Variants in TRIM37 observed in about 807,000 individuals in gnomAD.
TRIM37 encodes tripartite motif containing 37.
Under a neutral mutation model 129.8 loss-of-function variants are expected in TRIM37, and 80 were observed. The observed-to-expected ratio is 0.62, with a 90% CI of 0.51 to 0.74. The LOEUF (loss-of-function observed/expected upper bound fraction) is 0.74. TRIM37 is among the 30% of genes least tolerant of loss of function. The pLI is 0.00. For missense variants in TRIM37, 1,054 were observed against 1,176.5 expected (o/e 0.90, Z 1.52); for synonymous variants, 389 against 387.1 (o/e 1.00, Z -0.06).
intron 20 of TRIM37, among the ~76,000 whole-genome samples, chr17:59,016,016 G>GA (rs1040946581): frequency 2.6e-5 from 4 of 151,726 alleles, no homozygotes; most frequent in Non-Finnish European, 5.9e-5. Flanking sequence ...GGGATAATCA[G>GA]AAAAAAGGCA....
At chr17:59,083,156 C>T (rs898517560) in intron 5 of TRIM37, among the ~76,000 whole-genome samples, 1 of 152,162 alleles carries the variant, frequency 6.6e-6, no homozygotes, top group African/African-American at 2.4e-5. Flanking sequence ...TATTCAGAGG[C>T]TGGGCGCGGT....
chr17:59,028,743 T>A lies in TRIM37; in HGVS notation c.1949-20A>T, dbSNP rs1690590523. 6.2e-7 allele frequency: 1 copy of A among 1,613,168 alleles called. No homozygotes were observed. The highest frequency in any genetic ancestry group is 1.1e-5 in the South Asian group (1 of 91,068). ...ATGATGCTTCAGAGAAATTGACAAG[T>A]CATGTTAACATAAACGTTAATATTA... On this transcript the variant is annotated intron_variant, in intron 18 of 23. Coordinates refer to ENST00000262294, the MANE Select transcript of TRIM37 (RefSeq NM_015294.6).
chr17:59,012,344 T>C lies in TRIM37; in HGVS notation c.2679A>G (p.Ser893=), dbSNP rs1471107105. The change falls in exon 22 of 24, where the codon TCA becomes TCG. Residue 893 remains serine, a synonymous_variant. Transcript: ENST00000262294. The stretch of plus-strand genomic sequence containing the variant: ...ATTCCTTACCTTCTTCAGGGGCAGC[T>C]GAAGCTCCTTCAGGTAGTACAGGCT... ...ELQPVLPEGA[S]AAPEEGMSSD... The C allele has an allele frequency of 9.9e-6, 16 of 1,609,892 alleles. No homozygotes were observed. Among genetic ancestry groups the C allele is most frequent in the Admixed American group, 1.7e-5 (1 of 59,912 alleles).
chr17:58,975,768 GC>G, the TRIM37 span, among the ~76,000 whole-genome samples: 2 of 152,290 alleles, frequency 1.3e-5, no homozygotes, highest in African/African-American at 4.8e-5. Flanking sequence ...ACGCAGAGGG[GC>G]CACAGGGTCA....
chr17:59,103,846 C>T (rs981899305), intron 2 of TRIM37, among the ~76,000 whole-genome samples: 7 of 152,054 alleles, frequency 4.6e-5, no homozygotes, highest in Non-Finnish European at 1.0e-4. Flanking sequence ...CAGGGTTTCA[C>T]CATGTTGGCC....
intron 2 of TRIM37, among the ~76,000 whole-genome samples, chr17:59,098,311 G>A (rs1477024045): frequency 1.3e-5 from 2 of 152,122 alleles, no homozygotes; most frequent in Non-Finnish European, 2.9e-5. Flanking sequence ...AGTGGTGATG[G>A]CTGCACAACA....
chr17:59,071,549 T>C (rs2146788316), intron 8 of TRIM37, among the ~76,000 whole-genome samples: 1 of 152,130 alleles, frequency 6.6e-6, no homozygotes, highest in African/African-American at 2.4e-5. Context: ...CCTCCCCAAG[T>C]GCTGGGATTA....
chr17:59,067,698 G>A (rs1281262765), intron 9 of TRIM37, among the ~76,000 whole-genome samples: 4 of 151,918 alleles, frequency 2.6e-5, no homozygotes, highest in Non-Finnish European at 4.4e-5. Context: ...CACCACACCC[G>A]GCTAATTTTG....
intron 22 of TRIM37, 74 bp downstream of exon 22, chr17:59,012,254 C>CCACCAA: frequency 1.0e-6 from 1 of 977,928 alleles, no homozygotes; most frequent in South Asian, 1.3e-5. Context: ...ACCACCACCA[C>CCACCAA]CACCCACCAC....
chr17:58,987,271 G>C (rs1465315136), intron 24 of TRIM37, among the ~76,000 whole-genome samples: 3 of 152,218 alleles, frequency 2.0e-5, no homozygotes, highest in African/African-American at 7.2e-5. Context: ...TGAGTAGTAT[G>C]ACAGCTACAG....
chr17:58,969,686 C>T, the TRIM37 span: 6 of 1,614,010 alleles, frequency 3.7e-6, no homozygotes, highest in African/African-American at 4.0e-5. Flanking sequence ...CAGGGCCTTC[C>T]GGGTCACTGA....
downstream of TRIM37, among the ~76,000 whole-genome samples, chr17:58,978,145 C>T (rs1031898247): frequency 6.6e-6 from 1 of 152,038 alleles, no homozygotes; most frequent in Non-Finnish European, 1.5e-5. Flanking sequence ...TCAAAAAGTT[C>T]GGTTTTAGTG....
intron 24 of TRIM37, among the ~76,000 whole-genome samples, chr17:58,985,614 A>G (rs1052213396): frequency 1.3e-5 from 2 of 152,206 alleles, no homozygotes; most frequent in East Asian, 1.9e-4. Flanking sequence ...AGGACTGCTG[A>G]TAAGTGAGTA....
chr17:58,972,756 C>T, the TRIM37 span: 2 of 1,277,732 alleles, frequency 1.6e-6, no homozygotes, highest in Non-Finnish European at 2.3e-6. Context: ...AGTATTATAT[C>T]TGTTGTTTAC....
intron 21 of TRIM37, among the ~76,000 whole-genome samples, chr17:59,014,375 C>A (rs2035648545): frequency 6.6e-6 from 1 of 152,130 alleles, no homozygotes; most frequent in African/African-American, 2.4e-5. Flanking sequence ...AATAGATAAG[C>A]AGATGGATAT....
intron 24 of TRIM37, among the ~76,000 whole-genome samples, chr17:58,987,405 C>G (rs142116201): frequency 1.3e-5 from 2 of 152,044 alleles, no homozygotes; most frequent in Non-Finnish European, 2.9e-5. Flanking sequence ...CACTGACTGA[C>G]CTGAAGGTCT....
intron 16 of TRIM37, among the ~76,000 whole-genome samples, chr17:59,046,630 G>A (rs981656470): frequency 2.0e-5 from 3 of 149,486 alleles, no homozygotes; most frequent in Admixed American, 6.7e-5. Flanking sequence ...TCCGCCTCCC[G>A]GGTTCACCCC....
chr17:59,020,370 G>C (rs1454340298), intron 19 of TRIM37, among the ~76,000 whole-genome samples: 2 of 149,840 alleles, frequency 1.3e-5, no homozygotes, highest in Non-Finnish European at 3.0e-5. Flanking sequence ...CAAATCCCTT[G>C]AGCAGGTCAA....
At chr17:59,040,406 T>C (rs748534465) in intron 17 of TRIM37, among the ~76,000 whole-genome samples, 3 of 151,932 alleles carry the variant, frequency 2.0e-5, no homozygotes, top group Non-Finnish European at 2.9e-5. Flanking sequence ...CAACAGATCT[T>C]GGTAATACAC....
Sources: gnomAD v4.1 joint callset for allele counts (sites outside exome capture counted in the v4.1 genomes callset) on GRCh38, gnomAD v4.1.1 for gene constraint, MANE v1.5 for transcripts, NCBI Gene and HGNC (gene_info 2026-07-23, HGNC 2026-07-21) for gene names.